Variants in C3 observed in about 807,000 individuals in gnomAD.
The protein encoded by C3 is complement C3.
A neutral mutation model predicts 207.9 loss-of-function variants in C3; 97 were observed. The observed-to-expected ratio is 0.47, with a 90% CI of 0.40 to 0.55. The LOEUF (loss-of-function observed/expected upper bound fraction) is 0.55. Among genes scored for constraint, C3 ranks in the 20% least tolerant of loss-of-function variants. The pLI, the probability that C3 is intolerant of heterozygous loss-of-function variation, is 0.00. For missense variants in C3, 1,684 were observed against 2,171.7 expected, an observed-to-expected ratio of 0.78 and a Z score of 4.46; for synonymous variants, 848 against 857.6, an observed-to-expected ratio of 0.99 and a Z score of 0.20.
At chr19:6,706,458 C>T (rs1967775274) in intron 17 of C3, among the ~76,000 whole-genome samples, 1 of 152,168 alleles carries the variant, frequency 6.6e-6, no homozygotes, top group African/African-American at 2.4e-5. Flanking sequence ...ACGGGAGCCT[C>T]CTCCATCTCA....
chr19:6,701,727 G>A (rs2642208), intron 19 of C3, among the ~76,000 whole-genome samples: 100,217 of 151,940 alleles, frequency 0.66, 33,403 homozygotes, highest in East Asian at 0.84. Flanking sequence ...GTTTCACCAC[G>A]TTGACCAGGC....
At position 6,707,946 on chromosome 19, in the gene C3, G is replaced by C. The variant is rs375483239; in HGVS notation, c.1846-17C>G. The C allele has an allele frequency of 6.2e-7, 1 of 1,613,218 alleles. No individual in the cohort carries two copies. The highest frequency in any genetic ancestry group is 8.5e-7 in the Non-Finnish European group (1 of 1,179,928). On this transcript the variant is annotated splice_polypyrimidine_tract_variant and intron_variant, in intron 14 of 40. Transcript: ENST00000245907. ...GTCCCAGATCTGCGGGGGGCATAGG[G>C]GTGGCGGGACGCAGGGAGGCCAGGC...
chr19:6,704,611 T>C lies in C3; in HGVS notation c.2246-2032A>G, dbSNP rs151222645. ...TCTTTTCTACTAAAAATACAAAAAT[T>C]AGCTGGGTGTGGTGGCAGGTGCCTG... On this transcript the variant is annotated intron_variant, in intron 17 of 40. Coordinates refer to ENST00000245907, the MANE Select transcript of C3 (RefSeq NM_000064.4). Among the ~76,000 whole-genome samples, 189 of 152,072 alleles carry C rather than the reference T, an allele frequency of 1.2e-3. 2 individuals carry two copies. Among genetic ancestry groups the C allele is most frequent in the Middle Eastern group, 6.8e-3 (2 of 294 alleles).
chr19:6,697,896 A>T, intron 19 of C3, 102 bp from the exon 20 acceptor site: 1 of 1,166,250 alleles, frequency 8.6e-7, no homozygotes, highest in South Asian at 1.3e-5. Context: ...AGCTCTCCCT[A>T]ACTCAGCCTG....
chr19:6,697,053 C>A (rs5017914), intron 21 of C3, among the ~76,000 whole-genome samples: 21,280 of 107,090 alleles, frequency 0.2, 3,688 homozygotes, highest in Middle Eastern at 0.27. Context: ...AAAAAATAAA[C>A]AAACAAATAA....
At chr19:6,707,031 C>A in intron 17 of C3, 45 bp downstream of exon 17, 1 of 1,467,984 alleles carries the variant, frequency 6.8e-7, no homozygotes, top group Non-Finnish European at 9.4e-7. Flanking sequence ...GTCTCCTCCC[C>A]CATCAGACGG....
At chr19:6,703,896 C>T (rs1036190806) in intron 17 of C3, among the ~76,000 whole-genome samples, 19 of 151,868 alleles carry the variant, frequency 1.3e-4, no homozygotes, top group Admixed American at 5.9e-4. Context: ...TACAGTGAGC[C>T]GAGACTGCGC....
At chr19:6,715,994 G>C (rs763231508) in intron 4 of C3, among the ~76,000 whole-genome samples, 1 of 152,250 alleles carries the variant, frequency 6.6e-6, no homozygotes, top group Admixed American at 6.5e-5. Flanking sequence ...TGGTTAGCAG[G>C]AGACATCTAA....
At chr19:6,717,636 G>T in intron 4 of C3, 2 of 284,872 alleles carry the variant, frequency 7.0e-6, no homozygotes, top group Non-Finnish European at 1.4e-5. Flanking sequence ...GTGTTGTGTG[G>T]TTGTGTGTTG....
Position 6,704,467 on chromosome 19 carries a change from A to C in C3, c.2246-1888T>G, listed in dbSNP as rs561305593. ...ATCCCTTAAAAAATATATATATTTT[A>C]ATATTTTTCAGCCAGGCACAGTGGC... On this transcript the variant is annotated intron_variant, in intron 17 of 40. Coordinates refer to ENST00000245907, the MANE Select transcript of C3 (RefSeq NM_000064.4). 3.2e-4 allele frequency among the ~76,000 whole-genome samples: 49 copies of C among 152,284 alleles called. 1 individual carries two copies. In the South Asian group the frequency reaches 9.3e-3, roughly 29 times the overall value.
chr19:6,710,874 G>A (rs755473268), intron 12 of C3, 29 bp from the exon 13 acceptor site: 2 of 1,610,202 alleles, frequency 1.2e-6, no homozygotes, highest in South Asian at 2.2e-5. Flanking sequence ...ATCAGGCTGG[G>A]GAGGGTGAGT....
At chr19:6,688,791 T>C (rs1918078730) in intron 27 of C3, among the ~76,000 whole-genome samples, 1 of 152,210 alleles carries the variant, frequency 6.6e-6, no homozygotes, top group African/African-American at 2.4e-5. Flanking sequence ...ACTCCTTTTG[T>C]AAGAACTTCT....
At chr19:6,684,485 G>T in intron 32 of C3, 46 bp from the exon 33 acceptor site, 1 of 1,585,316 alleles carries the variant, frequency 6.3e-7, no homozygotes, top group Non-Finnish European at 8.7e-7. Flanking sequence ...ATACCTGTGT[G>T]TTGATTCAGG....
In C3 at chr19:6,697,331, C is replaced by T. The variant is rs1599510034; in HGVS notation, c.2796+13G>A. The T allele has an allele frequency of 1.2e-6, 2 of 1,603,694 alleles. No individual in the cohort carries two copies. The highest frequency in any genetic ancestry group is 2.7e-5 in the African/African-American group (2 of 74,694). Reference sequence around the variant, plus strand: ...CTGAAGGACAAGGGTTTGTGGGTGCCCCAAGCACTCACCACGACCTTCAGG... The same window carrying T: ...CTGAAGGACAAGGGTTTGTGGGTGCTCCAAGCACTCACCACGACCTTCAGG... On this transcript the variant is annotated intron_variant, in intron 21 of 40. Coordinates refer to ENST00000245907, the MANE Select transcript of C3 (RefSeq NM_000064.4).
chr19:6,681,867 G>A (rs1171436222), intron 35 of C3, 74 bp downstream of exon 35: 1 of 1,111,324 alleles, frequency 9.0e-7, no homozygotes, highest in East Asian at 2.3e-5. Context: ...AAAGCTGAAA[G>A]GAAAAGAAAG....
Position 6,685,108 on chromosome 19 carries a change from T to C in C3, c.3849A>G (p.Gln1283=), listed in dbSNP as rs1312995934. 1.2e-6 allele frequency: 2 copies of C among 1,613,942 alleles called. No homozygotes were observed. The highest frequency in any genetic ancestry group is 1.7e-5 in the Admixed American group (1 of 59,986). The change falls in exon 30 of 41, where the codon CAA becomes CAG. Residue 1283 remains glutamine (Q), a synonymous_variant. Coordinates refer to ENST00000245907, the MANE Select transcript of C3 (RefSeq NM_000064.4). Reference sequence around the variant, plus strand: ...GTTCCTGGTGGTCAGGGGCGTCCTTTTGGTATTGAGCCAAGGCTTGGAACA... The same window carrying C: ...GTTCCTGGTGGTCAGGGGCGTCCTTCTGGTATTGAGCCAAGGCTTGGAACA... ...FMVFQALAQY[Q]KDAPDHQELN...
rs757640085 is a variant in C3 at position 6,694,536 on chromosome 19, C to A, written c.3049G>T (p.Gly1017Cys). ...PSGCGEQNMI[G>C]MTPTVIAVHY... ...ACAGCGATGACCGTGGGCGTCATGC[C>A]GATCATGTTCTGTTCCCCGCAGCCC... The change falls in exon 24 of 41, where the codon GGC becomes TGC. Residue 1017 changes from glycine to cysteine, a missense_variant. Gly to Cys is a radical substitution (Grantham distance 159, BLOSUM62 -3). Transcript: ENST00000245907. The A allele has an allele frequency of 1.1e-5, 18 of 1,614,108 alleles. No homozygotes were observed. In the East Asian group the frequency reaches 3.8e-4, roughly 34 times the overall value.
intron 29 of C3, among the ~76,000 whole-genome samples, chr19:6,685,905 G>C (rs906790369): frequency 1.3e-5 from 2 of 152,212 alleles, no homozygotes; most frequent in Non-Finnish European, 2.9e-5. Flanking sequence ...CCTGGGGCAA[G>C]AAGAAGGCTC....
intron 14 of C3, among the ~76,000 whole-genome samples, chr19:6,709,149 T>C (rs1430587607): frequency 6.6e-6 from 1 of 152,106 alleles, no homozygotes; most frequent in African/African-American, 2.4e-5. Flanking sequence ...GGGCCCCAGT[T>C]GAAAGTGTCC....
Sources: allele counts gnomAD v4.1 joint callset (sites outside exome capture counted in the v4.1 genomes callset), GRCh38; gene constraint gnomAD v4.1.1; transcripts MANE v1.5; gene names NCBI Gene and HGNC (gene_info 2026-07-23, HGNC 2026-07-21).